The following MGAM variants were observed in gnomAD, a reference collection of about 807,000 sequenced individuals.
MGAM encodes the protein alpha-1,4-glucosidase.
In MGAM, 253 loss-of-function variants were observed where a neutral mutation model predicts 358.8. The ratio of observed to expected loss-of-function variants is 0.71; its 90% CI spans 0.64 to 0.78. The LOEUF (loss-of-function observed/expected upper bound fraction) is 0.78, where lower values mean the gene tolerates loss of function less well. Among genes scored for constraint, MGAM ranks in the 30% least tolerant of loss-of-function variants. The pLI is 0.00. For synonymous variants in MGAM, 1,105 were observed against 1,227.1 expected, an observed-to-expected ratio of 0.90 and a Z score of 2.08; for missense variants, 3,080 against 3,432.6, an observed-to-expected ratio of 0.90 and a Z score of 2.57.
rs781687592 is a variant in MGAM at position 142,082,138 on chromosome 7, T to C, written c.6099T>C (p.Thr2033=). 2 of 1,555,808 alleles carry C rather than the reference T, an allele frequency of 1.3e-6. No individual in the cohort carries two copies. The highest frequency in any genetic ancestry group is 8.8e-7 in the Non-Finnish European group (1 of 1,132,464). ...AGTACCTCTATGGCTTTGGGGAGAC[T>C]GAGCACACGTCCTACAGGAGAGACT... ...PSKYLYGFGE[T]EHTSYRRDLE... is the part of the protein sequence containing the mutation. The change falls in exon 51 of 71, where the codon ACT becomes ACC. Residue 2033 remains threonine, a synonymous_variant. Transcript: ENST00000475668.
Position 142,055,638 on chromosome 7 carries a change from A to G in MGAM, c.3395A>G (p.Tyr1132Cys), listed in dbSNP as rs1283465913. 1.2e-5 allele frequency: 20 copies of G among 1,613,670 alleles called. No individual in the cohort carries two copies. The highest frequency in any genetic ancestry group is 1.7e-5 in the Admixed American group (1 of 59,988). Reference sequence around the variant, plus strand: ...ACCCGCCTTCCCTCCAAGTACCTCTATGGCTTTGGGGAAACTGAGCACAGG... The same window carrying G: ...ACCCGCCTTCCCTCCAAGTACCTCTGTGGCTTTGGGGAAACTGAGCACAGG... The part of the protein sequence containing the change: ...ISTRLPSKYL[Y>C]GFGETEHRSY... The change falls in exon 28 of 71, where the codon TAT becomes TGT. Residue 1132 changes from tyrosine (Y) to cysteine (C), a missense_variant. By Grantham distance (194) the Tyr-to-Cys change is radical. Transcript: ENST00000475668.
chr7:142,094,243 C>T, intron 60 of MGAM, 121 bp from the exon 61 acceptor site: 1 of 1,217,698 alleles, frequency 8.2e-7, no homozygotes, highest in Non-Finnish European at 1.1e-6. Context: ...GCTCAGAGTC[C>T]CGTGTTCCCT....
At chr7:142,100,686 A>T in intron 67 of MGAM, 116 bp from the exon 68 acceptor site, 1 of 824,794 alleles carries the variant, frequency 1.2e-6, no homozygotes, top group Non-Finnish European at 2.1e-6. Flanking sequence ...GAATTCTAGT[A>T]TGCAGTCTTT....
At chr7:142,010,635 C>T (rs376408768) in intron 3 of MGAM, among the ~76,000 whole-genome samples, 5 of 152,066 alleles carry the variant, frequency 3.3e-5, no homozygotes, top group Non-Finnish European at 4.4e-5. Flanking sequence ...CTATCCATTC[C>T]GTTACATGTG....
intron 8 of MGAM, among the ~76,000 whole-genome samples, chr7:142,025,728 T>C (rs1192427071): frequency 6.6e-6 from 1 of 152,160 alleles, no homozygotes; most frequent in Admixed American, 6.5e-5. Context: ...ATGAACCTTT[T>C]TCTAGTAATT....
Position 142,100,831 on chromosome 7 carries a change from C to T in MGAM, c.7904C>T (p.Ala2635Val). ...SRQKFMGFKI[A>V]LDDEGTAGGW... ...CAGAAATTCATGGGCTTCAAAATTG[C>T]CTTGGATGATGAAGGAACTGCTGGG... The change falls in exon 68 of 71, where the codon GCC becomes GTC. Residue 2635 changes from alanine (A) to valine (V), a missense_variant. By Grantham distance (64) the Ala-to-Val change is moderately conservative. This residue lies in a region of MGAM where 194 missense variants were observed against 172.8 expected (regional missense o/e 1.12). Coordinates refer to ENST00000475668, the MANE Select transcript of MGAM (RefSeq NM_001365693.1). The T allele has an allele frequency of 6.2e-7, 1 of 1,612,930 alleles. No homozygotes were observed. Among genetic ancestry groups the T allele is most frequent in the Non-Finnish European group, 8.5e-7 (1 of 1,179,562 alleles).
chr7:142,035,288 T>C (rs1293457750), intron 16 of MGAM, among the ~76,000 whole-genome samples: 1 of 152,118 alleles, frequency 6.6e-6, no homozygotes, highest in African/African-American at 2.4e-5. Context: ...AGAGTAGGCA[T>C]GGTGAGAGGG....
At chr7:142,074,940 G>A (rs1467129691) in intron 45 of MGAM, among the ~76,000 whole-genome samples, 1 of 146,082 alleles carries the variant, frequency 6.8e-6, no homozygotes, top group Non-Finnish European at 1.6e-5. Context: ...CTGCAGACTG[G>A]ATCCCCAGAA....
Position 142,034,883 on chromosome 7 carries a change from AG to A in MGAM, c.1959+44del, listed in dbSNP as rs142655631. ...AGCTCTCTTATGAACCTGAATTCCC[AG>A]GCAACCTCATTCTAGAAAGTTTTCA... is the stretch of plus-strand genomic sequence containing the variant. On this transcript the variant is annotated intron_variant, in intron 16 of 70. Transcript: ENST00000475668. 718 of 1,569,200 alleles carry A rather than the reference AG, an allele frequency of 4.6e-4. 5 individuals carry two copies. In the African/African-American group the frequency reaches 8.6e-3, roughly 19 times the overall value.
chr7:142,080,844 C>G lies in MGAM; in HGVS notation c.5901C>G (p.Pro1967=), dbSNP rs1814194557. ...AAGTTCCAGTCCCTCTGAACATACC[C>G]AGCGTGCCATCCAGCACCCCTGAGG... ...RYEVPVPLNI[P]SVPSSTPEGQ... The change falls in exon 50 of 71, where the codon CCC becomes CCG. Residue 1967 remains proline, a synonymous_variant. Coordinates refer to ENST00000475668, the MANE Select transcript of MGAM (RefSeq NM_001365693.1). 7.1e-6 allele frequency: 11 copies of G among 1,556,270 alleles called. 2 individuals carry two copies. The highest frequency in any genetic ancestry group is 1.3e-5 in the African/African-American group (1 of 74,654).
At chr7:142,062,848 G>A in intron 35 of MGAM, 146 bp downstream of exon 35, 2 of 1,403,634 alleles carry the variant, frequency 1.4e-6, no homozygotes, top group Non-Finnish European at 1.9e-6. Context: ...TCTCAGGAGA[G>A]GAACTGCCCT....
Position 142,071,112 on chromosome 7 carries a change from A to C in MGAM, c.5180A>C (p.His1727Pro). Residue 1727 changes from histidine to proline, a missense_variant, in exon 44 of 71, where the codon CAC becomes CCC. By Grantham distance (77) the His-to-Pro change is moderately conservative. Around this residue, in one of 5 missense-constraint regions of MGAM, gnomAD observed 932 missense variants for 1,198.2 expected, o/e 0.78. Transcript: ENST00000475668. ...TGGCAAGAGCCTGCACTGAACACCC[A>C]CTTAAGGTGAATGACAGGACTCAGG... is the stretch of plus-strand genomic sequence containing the variant. Reference protein sequence around the residue: ...LPWQEPALNTHLSRKNPLGLI... With the variant: ...LPWQEPALNTPLSRKNPLGLI... The C allele has an allele frequency of 6.4e-7, 1 of 1,553,224 alleles. No individual in the cohort carries two copies. The highest frequency in any genetic ancestry group is 8.8e-7 in the Non-Finnish European group (1 of 1,130,796).
At chr7:142,012,988 A>G (rs550662058) in intron 3 of MGAM, among the ~76,000 whole-genome samples, 1 of 152,234 alleles carries the variant, frequency 6.6e-6, no homozygotes, top group South Asian at 2.1e-4. Flanking sequence ...GCATAGTATC[A>G]CTTTTGATGC....
At chr7:142,000,820 C>A (rs1804674033) in intron 1 of MGAM, among the ~76,000 whole-genome samples, 1 of 152,100 alleles carries the variant, frequency 6.6e-6, no homozygotes, top group Admixed American at 6.6e-5. Context: ...ATAGTTTTTA[C>A]CAAGTCTTCA....
chr7:142,064,671 C>T, intron 37 of MGAM, 149 bp downstream of exon 37: 1 of 1,242,960 alleles, frequency 8.0e-7, no homozygotes, highest in Non-Finnish European at 1.1e-6. Flanking sequence ...TAAACAAATG[C>T]TCATTGACAT....
rs1291371838 is a variant in MGAM, at chr7:142,083,325, C to A, written c.6293C>A (p.Ala2098Asp). The A allele has an allele frequency of 6.4e-7, 1 of 1,553,272 alleles. No individual in the cohort carries two copies. The highest frequency in any genetic ancestry group is 1.1e-5 in the South Asian group (1 of 88,684). Residue 2098 changes from alanine to aspartate, a missense_variant, in exon 53 of 71, where the codon GCC becomes GAC. Ala to Asp is a moderately radical substitution (Grantham distance 126). This residue lies in a region of MGAM where 932 missense variants were observed against 1,198.2 expected (regional missense o/e 0.78). Transcript: ENST00000475668. ...GATGTGACGTTCCAGCCCCTGCCTG[C>A]CTTGACATACCGTACCACAGGGGGA... The part of the protein sequence containing the change: ...AMDVTFQPLP[A>D]LTYRTTGGVL...
At position 142,085,924 on chromosome 7, in the gene MGAM, G is replaced by A. The variant is rs369028852; in HGVS notation, c.6599G>A (p.Arg2200His). 126 of 1,565,972 alleles carry A rather than the reference G, an allele frequency of 8.0e-5. 4 individuals carry two copies. The African/African-American group carries it at 1.2e-3, about 15-fold the overall frequency. The change falls in exon 55 of 71, where the codon CGC (arginine) becomes CAC (histidine). Residue 2200 changes from arginine (R) to histidine (H), a missense_variant. Around this residue, in one of 5 missense-constraint regions of MGAM, gnomAD observed 932 missense variants for 1,198.2 expected, o/e 0.78. Coordinates refer to ENST00000475668, the MANE Select transcript of MGAM (RefSeq NM_001365693.1). ...GCCGGGTTTCCAGCTCTGATCAATC[G>A]CATGAAGGCTGATGGGATGCGGGTC... is the stretch of plus-strand genomic sequence containing the variant. Reference protein sequence around the residue: ...KFAGFPALINRMKADGMRVIL... With the variant: ...KFAGFPALINHMKADGMRVIL...
At position 142,094,441 on chromosome 7, in the gene MGAM, G is replaced by A; in HGVS notation, c.7250G>A (p.Gly2417Glu). ...TTTCCCTCTTCTGGCCGCTGGGCAG[G>A]ACATTGGCTGGGAGACAACACAGCC... is the stretch of plus-strand genomic sequence containing the variant. ...STFPSSGRWA[G>E]HWLGDNTAAW... is the part of the protein sequence containing the mutation. The change falls in exon 61 of 71, where the codon GGA (glycine) becomes GAA (glutamate). Residue 2417 changes from glycine (G) to glutamate (E), a missense_variant. Gly to Glu is a moderately conservative substitution (Grantham distance 98). This residue lies in a region of MGAM where 932 missense variants were observed against 1,198.2 expected (regional missense o/e 0.78). Transcript: ENST00000475668. The A allele has an allele frequency of 6.5e-6, 10 of 1,534,774 alleles. 1 individual carries two copies. Among genetic ancestry groups the A allele is most frequent in the East Asian group, 2.3e-5 (1 of 42,686 alleles).
At chr7:142,096,075 T>G (rs1391020484) in intron 64 of MGAM, 2 of 598,444 alleles carry the variant, frequency 3.3e-6, no homozygotes, top group Non-Finnish European at 5.9e-6. Context: ...CATTTGAAGT[T>G]TGCCATGGTT....
Sources: allele counts gnomAD v4.1 joint callset (sites outside exome capture counted in the v4.1 genomes callset), GRCh38; gene constraint gnomAD v4.1.1; regional missense constraint gnomAD v4.1.1; transcripts MANE v1.5; gene names NCBI Gene and HGNC (gene_info 2026-07-23, HGNC 2026-07-21).